The following MTSS1 variants were observed in gnomAD, a reference collection of about 807,000 sequenced individuals.
The protein encoded by MTSS1 is MTSS I-BAR domain containing 1, also known as protein MTSS 1.
MTSS1 carries 18 observed loss-of-function variants against 79.0 expected under a neutral mutation model. That is an observed-to-expected ratio of 0.23 (90% CI 0.16 to 0.34). The LOEUF (loss-of-function observed/expected upper bound fraction) is 0.34. Among genes scored for constraint, MTSS1 ranks in the 10% least tolerant of loss-of-function variants. MTSS1 has a pLI of 1.00. For missense variants in MTSS1, 815 were observed against 986.2 expected (o/e 0.83, Z 2.33); for synonymous variants, 341 against 368.6 (o/e 0.93, Z 0.86).
chr8:124,599,702 C>T (rs1833439338), intron 3 of MTSS1, among the ~76,000 whole-genome samples: 1 of 152,042 alleles, frequency 6.6e-6, no homozygotes, highest in African/African-American at 2.4e-5. Context: ...CCCTCCTCCC[C>T]CAAATGACCT....
chr8:124,556,827 G>A (rs1233689920), intron 11 of MTSS1, among the ~76,000 whole-genome samples: 1 of 152,218 alleles, frequency 6.6e-6, no homozygotes, highest in Non-Finnish European at 1.5e-5. Flanking sequence ...AGCAACATCA[G>A]CCCTTCTCCC....
intron 3 of MTSS1, among the ~76,000 whole-genome samples, chr8:124,659,509 T>TA (rs1490596840): frequency 6.6e-6 from 1 of 152,170 alleles, no homozygotes; most frequent in East Asian, 1.9e-4. Context: ...AAAAGCTACC[T>TA]AAAAATCACA....
At chr8:124,614,912 C>T (rs530191238) in intron 3 of MTSS1, among the ~76,000 whole-genome samples, 9 of 152,276 alleles carry the variant, frequency 5.9e-5, no homozygotes, top group South Asian at 2.1e-4. Flanking sequence ...TAAACACAGG[C>T]GCAGTGGTAC....
chr8:124,590,423 G>T (rs538087339), intron 4 of MTSS1, among the ~76,000 whole-genome samples: 2 of 152,154 alleles, frequency 1.3e-5, no homozygotes, highest in African/African-American at 4.8e-5. Context: ...TGTGCATGCG[G>T]CATGACAGGT....
intron 1 of MTSS1, among the ~76,000 whole-genome samples, chr8:124,706,522 T>C (rs555593982): frequency 9.2e-5 from 14 of 152,268 alleles, no homozygotes; most frequent in Non-Finnish European, 1.6e-4. Flanking sequence ...ATTGGAGACC[T>C]GCTTGGCTCA....
At chr8:124,617,774 T>G (rs897404517) in intron 3 of MTSS1, among the ~76,000 whole-genome samples, 1 of 152,294 alleles carries the variant, frequency 6.6e-6, no homozygotes, top group Middle Eastern at 3.4e-3. Context: ...TACCACCATG[T>G]TTTATACTCC....
Position 124,582,045 on chromosome 8 carries a change from C to T in MTSS1, c.460+3042G>A, listed in dbSNP as rs772788242. 6.6e-6 allele frequency among the ~76,000 whole-genome samples: 1 copy of T among 152,124 alleles called. No individual in the cohort carries two copies. The highest frequency in any genetic ancestry group is 1.5e-5 in the Non-Finnish European group (1 of 68,020). ...CAGCATCCTGCCGCCTCCGTCCCTC[C>T]ACCTGTCGGCAATGCTGGCTCTGCC... is the stretch of plus-strand genomic sequence containing the variant. On this transcript the variant is annotated intron_variant, in intron 6 of 13. Coordinates refer to ENST00000518547, the MANE Select transcript of MTSS1 (RefSeq NM_014751.6). The surrounding 1 kb of genome is among the most constrained non-coding windows in gnomAD (Gnocchi z 4.8).
chr8:124,630,693 C>T (rs889810754), intron 3 of MTSS1, among the ~76,000 whole-genome samples: 3 of 152,222 alleles, frequency 2.0e-5, no homozygotes, highest in African/African-American at 7.2e-5. Flanking sequence ...CCCAACCTGC[C>T]TCCACTGTCT....
At chr8:124,586,627 C>T (rs1253794782) in intron 5 of MTSS1, among the ~76,000 whole-genome samples, 7 of 152,114 alleles carry the variant, frequency 4.6e-5, no homozygotes, top group Admixed American at 3.3e-4. Context: ...CTACTCGGGT[C>T]GCGCTCCCTG....
At chr8:124,704,264 A>C in intron 1 of MTSS1, 73 bp from the exon 2 acceptor site, 1 of 1,273,028 alleles carries the variant, frequency 7.9e-7, no homozygotes, top group Non-Finnish European at 1.1e-6. Context: ...AGAGCACCCA[A>C]TTCCAATCAT....
In MTSS1 at chr8:124,556,646, C is replaced by T. The variant is rs1823872978; in HGVS notation, c.1231-241G>A. ...TCTCTGCCCAAAGATTAAAAACCCT[C>T]ACCCACCAGGTGGCAGCAGGAGACC... On this transcript the variant is annotated intron_variant, in intron 11 of 13. Transcript: ENST00000518547. 7.4e-6 allele frequency: 4 copies of T among 539,416 alleles called. No individual in the cohort carries two copies. The East Asian group carries it at 1.3e-4, about 17-fold the overall frequency. 33.4% of individuals were successfully genotyped at this position (539,416 alleles called of 1,614,324 possible). A position where few individuals can be genotyped will look rare whatever the true frequency, so the allele number is the denominator to read the frequency against.
Position 124,568,494 on chromosome 8 carries a change from T to C in MTSS1, c.503A>G (p.Asp168Gly), listed in dbSNP as rs1032746283. The change falls in exon 7 of 14, where the codon GAT (aspartate) becomes GGT (glycine). Residue 168 changes from aspartate (D) to glycine (G), a missense_variant. Asp to Gly is a moderately conservative substitution (Grantham distance 94, BLOSUM62 -1). Transcript: ENST00000518547. ...IQPQLDSALQ[D>G]VNDKYLLLEE... ...CAATAAGAGATACTTATCATTGACA[T>C]CTTGGAGAGCACTGTCCAACTGAGG... The C allele has an allele frequency of 3.1e-6, 5 of 1,614,164 alleles. No homozygotes were observed. Among genetic ancestry groups the C allele is most frequent in the Non-Finnish European group, 4.2e-6 (5 of 1,180,026 alleles).
intron 3 of MTSS1, among the ~76,000 whole-genome samples, chr8:124,595,471 T>G (rs1228260961): frequency 6.6e-6 from 1 of 152,196 alleles, no homozygotes; most frequent in Non-Finnish European, 1.5e-5. Context: ...CTGCACTCCT[T>G]GGCTCGTGGC....
chr8:124,583,145 G>A (rs983102126), intron 6 of MTSS1, among the ~76,000 whole-genome samples: 1 of 152,182 alleles, frequency 6.6e-6, no homozygotes, highest in Admixed American at 6.5e-5. Context: ...GAAAAGACAC[G>A]GTGCCAGAGA....
chr8:124,567,577 A>G, intron 7 of MTSS1: 1 of 1,367,576 alleles, frequency 7.3e-7, no homozygotes, highest in Non-Finnish European at 9.5e-7. Context: ...ATTTTGGTCC[A>G]GATCTTTGTG....
chr8:124,647,288 G>A (rs900927391), intron 3 of MTSS1, among the ~76,000 whole-genome samples: 4 of 152,068 alleles, frequency 2.6e-5, no homozygotes, highest in Admixed American at 6.6e-5. Flanking sequence ...TATGAAATAC[G>A]ATTCTTTTGG....
At chr8:124,675,291 A>G (rs1488400656) in intron 3 of MTSS1, among the ~76,000 whole-genome samples, 1 of 152,228 alleles carries the variant, frequency 6.6e-6, no homozygotes, top group Non-Finnish European at 1.5e-5. Flanking sequence ...CAGTCCTACA[A>G]CTGTCACTTC....
At chr8:124,658,806 C>T (rs1164264158) in intron 3 of MTSS1, among the ~76,000 whole-genome samples, 1 of 152,190 alleles carries the variant, frequency 6.6e-6, no homozygotes, top group Non-Finnish European at 1.5e-5. Flanking sequence ...CAGGCCCCAT[C>T]TCCAACACTG....
chr8:124,577,992 G>C (rs372158009), intron 6 of MTSS1, among the ~76,000 whole-genome samples: 2 of 152,304 alleles, frequency 1.3e-5, no homozygotes, highest in African/African-American at 4.8e-5. Flanking sequence ...GGCTGGATAC[G>C]GCTGGGGGAT....
Sources: allele counts gnomAD v4.1 joint callset (sites outside exome capture counted in the v4.1 genomes callset), GRCh38; gene constraint gnomAD v4.1.1; non-coding constraint Gnocchi (gnomAD v3.1); transcripts MANE v1.5; gene names NCBI Gene and HGNC (gene_info 2026-07-23, HGNC 2026-07-21).